The following OSTF1 variants were observed in gnomAD, a reference collection of about 807,000 sequenced individuals.
OSTF1 encodes the protein osteoclast-stimulating factor 1.
OSTF1 carries 27 observed loss-of-function variants against 37.2 expected under a neutral mutation model. That is an observed-to-expected ratio of 0.73 (90% CI 0.54 to 1.00). The LOEUF is 1.00. Among genes scored for constraint, OSTF1 ranks in the 50% least tolerant of loss-of-function variants. The pLI is 0.00. For missense variants in OSTF1, 232 were observed against 253.8 expected, an observed-to-expected ratio of 0.91 and a Z score of 0.58; for synonymous variants, 82 against 89.2, an observed-to-expected ratio of 0.92 and a Z score of 0.46.
At chr9:75,144,690 CT>C (rs71990092) in intron 9 of OSTF1, among the ~76,000 whole-genome samples, 41,111 of 150,712 alleles carry the variant, frequency 0.27, 5,823 homozygotes, top group Admixed American at 0.32. Flanking sequence ...AACATGAAAA[CT>C]TTTTTTTTTA....
rs984122049 is a variant in OSTF1, at chr9:75,088,557, A to C, written c.-136A>C. 3.3e-6 allele frequency: 3 copies of C among 918,540 alleles called. No individual in the cohort carries two copies. The highest frequency in any genetic ancestry group is 5.1e-6 in the Non-Finnish European group (3 of 586,622). 56.9% of individuals were successfully genotyped at this position (918,540 alleles called of 1,614,324 possible). On this transcript the variant is annotated 5_prime_UTR_variant, in exon 1 of 10. Coordinates refer to ENST00000346234, the MANE Select transcript of OSTF1 (RefSeq NM_012383.5). ...GCCTGCGTCCGCTCTTCCCGCAGCC[A>C]AGGGTGGGCGCCGGTCCTAGGAGGC...
intron 1 of OSTF1, among the ~76,000 whole-genome samples, chr9:75,090,225 A>G (rs1243318500): frequency 6.6e-6 from 1 of 152,100 alleles, no homozygotes; most frequent in African/African-American, 2.4e-5. Context: ...ACGTTAAAGA[A>G]TGCCCTTTTT....
At chr9:75,130,838 G>T (rs1825751156) in intron 4 of OSTF1, among the ~76,000 whole-genome samples, 197 bp downstream of exon 4, 1 of 152,152 alleles carries the variant, frequency 6.6e-6, no homozygotes, top group Non-Finnish European at 1.5e-5. Flanking sequence ...TGTGGCCTAA[G>T]AGAATGCATT....
chr9:75,099,254 T>G (rs554217439), intron 1 of OSTF1, among the ~76,000 whole-genome samples: 13 of 150,884 alleles, frequency 8.6e-5, no homozygotes, highest in African/African-American at 3.2e-4. Context: ...AAAGAAATTC[T>G]GATAAATGGC....
At chr9:75,126,476 G>A (rs1288564827) in intron 2 of OSTF1, among the ~76,000 whole-genome samples, 1 of 152,142 alleles carries the variant, frequency 6.6e-6, no homozygotes, top group African/African-American at 2.4e-5. Flanking sequence ...GCTCTCGGTA[G>A]GCATCACCCT....
chr9:75,140,975 C>CT (rs765189385), intron 9 of OSTF1, 43 bp downstream of exon 9: 1 of 1,365,368 alleles, frequency 7.3e-7, no homozygotes, highest in East Asian at 2.3e-5. Context: ...TGCCCCATAA[C>CT]TAAGATTTAT....
At chr9:75,117,370 G>T in intron 1 of OSTF1, 134 bp from the exon 2 acceptor site, 1 of 603,904 alleles carries the variant, frequency 1.7e-6, no homozygotes, top group Non-Finnish European at 2.9e-6. Flanking sequence ...ACCCTTTCCA[G>T]CCTCTAGTAT....
chr9:75,135,409 A>G (rs1401560875), intron 7 of OSTF1, among the ~76,000 whole-genome samples: 4 of 152,094 alleles, frequency 2.6e-5, no homozygotes, highest in African/African-American at 9.7e-5. Flanking sequence ...GCTAGCATTC[A>G]TCTCTTCCCA....
In OSTF1 at chr9:75,110,156, A is replaced by G. The variant is rs553043845; in HGVS notation, c.35-7348A>G. 2.0e-5 allele frequency among the ~76,000 whole-genome samples: 3 copies of G among 152,272 alleles called. No homozygotes were observed. In the East Asian group the frequency reaches 5.8e-4, roughly 29 times the overall value. On this transcript the variant is annotated intron_variant, in intron 1 of 9. Transcript: ENST00000346234. ...GTTGATGTGGTTTCCATGGGTTTGGACAAATGCGTAATGGCAGTGATACTC... is the reference window on the plus strand; with the variant it reads ...GTTGATGTGGTTTCCATGGGTTTGGGCAAATGCGTAATGGCAGTGATACTC...
intron 1 of OSTF1, among the ~76,000 whole-genome samples, chr9:75,096,770 G>C (rs1481723068): frequency 6.6e-6 from 1 of 152,158 alleles, no homozygotes; most frequent in Non-Finnish European, 1.5e-5. Context: ...ACTTTAGCTC[G>C]CTGAGTGTGG....
chr9:75,125,836 G>A (rs1250207432), intron 2 of OSTF1, among the ~76,000 whole-genome samples: 10 of 152,184 alleles, frequency 6.6e-5, no homozygotes, highest in Non-Finnish European at 4.4e-5. Context: ...CATATTTACT[G>A]CTCTAGTCTG....
chr9:75,097,218 T>G (rs941494589), intron 1 of OSTF1, among the ~76,000 whole-genome samples: 5 of 152,160 alleles, frequency 3.3e-5, no homozygotes, highest in Admixed American at 1.3e-4. Context: ...TGCATTCAGG[T>G]CATCCAAGCA....
At chr9:75,093,975 A>C (rs188396863) in intron 1 of OSTF1, among the ~76,000 whole-genome samples, 55 of 152,280 alleles carry the variant, frequency 3.6e-4, no homozygotes, top group African/African-American at 1.3e-3. Flanking sequence ...TGACTTTCCT[A>C]TCAGGTGGGT....
intron 1 of OSTF1, among the ~76,000 whole-genome samples, chr9:75,113,514 T>C (rs976263814): frequency 6.6e-6 from 1 of 151,732 alleles, no homozygotes; most frequent in Admixed American, 6.6e-5. Flanking sequence ...AGTGGTGCAA[T>C]CTTGGCTCAC....
intron 2 of OSTF1, among the ~76,000 whole-genome samples, chr9:75,124,699 A>G (rs1254516605): frequency 1.3e-5 from 2 of 152,034 alleles, no homozygotes; most frequent in Non-Finnish European, 2.9e-5. Flanking sequence ...CCCTGACTTT[A>G]TTGCTTATTT....
chr9:75,121,549 G>C (rs937127312), intron 2 of OSTF1, among the ~76,000 whole-genome samples: 1 of 152,174 alleles, frequency 6.6e-6, no homozygotes, highest in Non-Finnish European at 1.5e-5. Context: ...GTTCAATTCA[G>C]GTATGAAGGG....
intron 1 of OSTF1, among the ~76,000 whole-genome samples, chr9:75,097,200 G>C (rs1383304501): frequency 1.3e-5 from 2 of 152,046 alleles, no homozygotes; most frequent in African/African-American, 4.8e-5. Context: ...CATTCTCTTT[G>C]ATCTCTCTGC....
chr9:75,105,192 G>T (rs1225969187), intron 1 of OSTF1, among the ~76,000 whole-genome samples: 1 of 152,190 alleles, frequency 6.6e-6, no homozygotes, highest in African/African-American at 2.4e-5. Context: ...TTGGTTTTGG[G>T]GTTGGGGAGA....
rs767146126 is a variant in OSTF1, at chr9:75,137,590, A to T, written c.461A>T (p.Asp154Val). 10 of 1,613,024 alleles carry T rather than the reference A, an allele frequency of 6.2e-6. No homozygotes were observed. Among genetic ancestry groups the T allele is most frequent in the Non-Finnish European group, 5.9e-6 (7 of 1,179,008 alleles). ...LHAAAWKGYA[D>V]IVQLLLAKGA... ...GCTGCTGCCTGGAAGGGTTATGCAG[A>T]TATCGTCCAGTTGCTTCTGGCAAAA... The change falls in exon 8 of 10, where the codon GAT becomes GTT. Residue 154 changes from aspartate to valine, a missense_variant. Transcript: ENST00000346234.
Sources: allele counts gnomAD v4.1 joint callset (sites outside exome capture counted in the v4.1 genomes callset), GRCh38; gene constraint gnomAD v4.1.1; transcripts MANE v1.5; gene names NCBI Gene and HGNC (gene_info 2026-07-23, HGNC 2026-07-21).